The following RAD54L variants were observed in gnomAD, a reference collection of about 807,000 sequenced individuals.
RAD54L encodes the protein RAD54 like.
Under a neutral mutation model 91.6 loss-of-function variants are expected in RAD54L, and 74 were observed. That is an observed-to-expected ratio of 0.81 (90% CI 0.67 to 0.98). The LOEUF (loss-of-function observed/expected upper bound fraction) is 0.98. RAD54L is among the 50% of genes least tolerant of loss of function. RAD54L has a pLI of 0.00. For missense variants in RAD54L, 887 were observed against 945.7 expected, an observed-to-expected ratio of 0.94 and a Z score of 0.81; for synonymous variants, 304 against 349.7, an observed-to-expected ratio of 0.87 and a Z score of 1.46.
chr1:46,274,079 A>AC, intron 14 of RAD54L, 59 bp from the exon 15 acceptor site: 1 of 1,512,348 alleles, frequency 6.6e-7, no homozygotes, highest in Admixed American at 1.7e-5. Flanking sequence ...TTTATTTTTA[A>AC]TTTTTTTTCC....
chr1:46,271,625 C>G (rs1326129573), intron 10 of RAD54L, among the ~76,000 whole-genome samples: 1 of 151,904 alleles, frequency 6.6e-6, no homozygotes, highest in African/African-American at 2.4e-5. Flanking sequence ...CCACTGCACC[C>G]CAGCCTGGGT....
At chr1:46,260,319 G>A (rs914608041) in intron 5 of RAD54L, among the ~76,000 whole-genome samples, 1 of 149,676 alleles carries the variant, frequency 6.7e-6, no homozygotes, top group Non-Finnish European at 1.5e-5. Flanking sequence ...GCTCACTCAG[G>A]AGGAGGAGTG....
chr1:46,266,818 A>G (rs2148294219), intron 8 of RAD54L, among the ~76,000 whole-genome samples: 1 of 152,266 alleles, frequency 6.6e-6, no homozygotes. Flanking sequence ...ATGATCTCTG[A>G]AGAGTATAGG....
chr1:46,258,726 T>C lies in RAD54L; in HGVS notation c.251T>C (p.Val84Ala), dbSNP rs774234340. ...IRSILSKPFK[V>A]PIPNYQGPLG... ...AGCATTTTGTCAAAGCCTTTCAAAG[T>C]CCCCATTCCAAATTATCAAGGTAAA... The change falls in exon 4 of 18, where the codon GTC becomes GCC. Residue 84 changes from valine (V) to alanine (A), a missense_variant. Transcript: ENST00000371975. 3 of 1,605,822 alleles carry C rather than the reference T, an allele frequency of 1.9e-6. No individual in the cohort carries two copies. Among genetic ancestry groups the C allele is most frequent in the Admixed American group, 3.3e-5 (2 of 59,992 alleles).
chr1:46,262,849 C>G (rs1660169314), intron 8 of RAD54L, among the ~76,000 whole-genome samples: 1 of 152,124 alleles, frequency 6.6e-6, no homozygotes, highest in Non-Finnish European at 1.5e-5. Flanking sequence ...TCACAGGGAA[C>G]AGGTTCTAGA....
chr1:46,272,828 C>T, intron 12 of RAD54L, 26 bp downstream of exon 12: 1 of 1,613,764 alleles, frequency 6.2e-7, no homozygotes. Context: ...GTCCTGGTGT[C>T]CTCTGTGAGA....
At chr1:46,260,177 G>T in intron 5 of RAD54L, 78 bp downstream of exon 5, 1 of 1,590,260 alleles carries the variant, frequency 6.3e-7, no homozygotes, top group Non-Finnish European at 8.6e-7. Flanking sequence ...AGGGTATTTT[G>T]GTGTGATTTC....
intron 3 of RAD54L, among the ~76,000 whole-genome samples, chr1:46,256,635 T>TA (rs575077176): frequency 0.047 from 6,715 of 141,538 alleles, 261 homozygotes; most frequent in African/African-American, 0.1. Flanking sequence ...CCCTGTCTTT[T>TA]AAAAAAAAAA....
chr1:46,273,071 ACGCT>A (rs1660482294), intron 12 of RAD54L, among the ~76,000 whole-genome samples: 1 of 152,186 alleles, frequency 6.6e-6, no homozygotes, highest in Non-Finnish European at 1.5e-5. Context: ...GCATGTACAC[ACGCT>A]CATATACAAT....
At chr1:46,261,550 C>T in intron 8 of RAD54L, 165 bp downstream of exon 8, 1 of 874,362 alleles carries the variant, frequency 1.1e-6, no homozygotes, top group Non-Finnish European at 1.8e-6. Flanking sequence ...ATACAAGATA[C>T]TGTCTGCCAA....
intron 3 of RAD54L, among the ~76,000 whole-genome samples, chr1:46,253,081 A>AT (rs1226948040): frequency 6.6e-6 from 1 of 152,194 alleles, no homozygotes; most frequent in Non-Finnish European, 1.5e-5. Context: ...AGGAAAAAAA[A>AT]TACTTGCGTA....
rs1393998565 is a variant in RAD54L at position 46,270,741 on chromosome 1, G to A, written c.1125G>A (p.Gln375=). The change falls in exon 10 of 18, where the codon CAG becomes CAA. Residue 375 remains glutamine (Q), a synonymous_variant. Transcript: ENST00000371975. The stretch of plus-strand genomic sequence containing the variant: ...CTGCTGCTAGTGAGGCAGACAGGCA[G>A]CTAGGAGAGGAGCGGCTGCGGGAGC... ...RDAAASEADR[Q]LGEERLRELT... 2 of 1,614,250 alleles carry A rather than the reference G, an allele frequency of 1.2e-6. No individual in the cohort carries two copies. Among genetic ancestry groups the A allele is most frequent in the Admixed American group, 1.7e-5 (1 of 60,032 alleles).
chr1:46,261,127 GA>G (rs1418142324), intron 7 of RAD54L, 112 bp downstream of exon 7: 15 of 1,541,134 alleles, frequency 9.7e-6, no homozygotes, highest in African/African-American at 1.4e-5. Context: ...GAAGAAAAGA[GA>G]ATTTCCATTG....
At chr1:46,267,149 G>A (rs1409157849) in intron 8 of RAD54L, among the ~76,000 whole-genome samples, 1 of 152,098 alleles carries the variant, frequency 6.6e-6, no homozygotes, top group East Asian at 1.9e-4. Context: ...CTGAAGCCTC[G>A]ACCTCCTGGA....
chr1:46,268,727 G>A (rs1183714918), intron 9 of RAD54L, among the ~76,000 whole-genome samples: 2 of 152,076 alleles, frequency 1.3e-5, no homozygotes, highest in Non-Finnish European at 2.9e-5. Flanking sequence ...TTTCATAATT[G>A]CATACTATTG....
chr1:46,259,091 A>C (rs1036015429), intron 4 of RAD54L, among the ~76,000 whole-genome samples: 3 of 152,070 alleles, frequency 2.0e-5, no homozygotes, highest in Non-Finnish European at 4.4e-5. Flanking sequence ...GGATTCTATA[A>C]GGTTTTTCCC....
chr1:46,274,100 T>C, intron 14 of RAD54L, 38 bp from the exon 15 acceptor site: 1 of 1,562,320 alleles, frequency 6.4e-7, no homozygotes, highest in Non-Finnish European at 8.8e-7. Flanking sequence ...CCCTAATCAT[T>C]GAAGCTTTAT....
At chr1:46,272,025 CT>C (rs1162693010) in intron 10 of RAD54L, among the ~76,000 whole-genome samples, 66 of 41,144 alleles carry the variant, frequency 1.6e-3, no homozygotes, top group African/African-American at 7.7e-3. Context: ...GGTCTGATGA[CT>C]TTTTTTTTTT....
At chr1:46,273,045 C>T (rs1211539465) in intron 12 of RAD54L, among the ~76,000 whole-genome samples, 1 of 152,166 alleles carries the variant, frequency 6.6e-6, no homozygotes, top group Admixed American at 6.5e-5. Context: ...GATGTGTCGA[C>T]TGTTTGTGAG....
Sources: gnomAD v4.1 joint callset for allele counts (sites outside exome capture counted in the v4.1 genomes callset) on GRCh38, gnomAD v4.1.1 for gene constraint, MANE v1.5 for transcripts, NCBI Gene and HGNC (gene_info 2026-07-23, HGNC 2026-07-21) for gene names.